Variants in EHMT1 observed in about 807,000 individuals in gnomAD.
EHMT1 encodes the protein euchromatic histone lysine methyltransferase 1.
In EHMT1, 15 loss-of-function variants were observed where a neutral mutation model predicts 147.2. The ratio of observed to expected loss-of-function variants is 0.10; its 90% CI spans 0.07 to 0.16. The LOEUF (loss-of-function observed/expected upper bound fraction) is 0.16, where lower values mean the gene tolerates loss of function less well. EHMT1 is among the 10% of genes least tolerant of loss of function. The pLI is 1.00. For synonymous variants in EHMT1, 795 were observed against 709.6 expected, an observed-to-expected ratio of 1.12 and a Z score of -1.91; for missense variants, 1,587 against 1,772.4, an observed-to-expected ratio of 0.90 and a Z score of 1.88.
At chr9:137,707,430 G>C (rs938834580) in intron 1 of EHMT1, among the ~76,000 whole-genome samples, 15 of 152,196 alleles carry the variant, frequency 9.9e-5, no homozygotes, top group African/African-American at 1.4e-4. Context: ...CTCCTCCCCG[G>C]TGCCCCCTTT....
At chr9:137,624,199 C>T (rs1205610329) in intron 1 of EHMT1, among the ~76,000 whole-genome samples, 5 of 151,820 alleles carry the variant, frequency 3.3e-5, no homozygotes, top group Admixed American at 6.6e-5. Flanking sequence ...GACGGGGTTT[C>T]ACCATATTGG....
intron 1 of EHMT1, among the ~76,000 whole-genome samples, chr9:137,669,342 C>G (rs74720783): frequency 0.48 from 1,462 of 3,038 alleles, 429 homozygotes; most frequent in East Asian, 0.83. Flanking sequence ...ACGTGGACCC[C>G]ACACCACCCA....
intron 22 of EHMT1, chr9:137,815,729 AG>A (rs1954866382): frequency 1.7e-6 from 1 of 595,960 alleles, no homozygotes; most frequent in South Asian, 1.8e-5. Context: ...GGAGCGCTCC[AG>A]GGGGTCTCCA....
chr9:137,823,100 G>GTTT (rs56014052), intron 25 of EHMT1, among the ~76,000 whole-genome samples: 10 of 111,142 alleles, frequency 9.0e-5, no homozygotes, highest in African/African-American at 1.1e-4. Context: ...CTGGCTAATT[G>GTTT]TTTTTTTTTT....
intron 1 of EHMT1, among the ~76,000 whole-genome samples, chr9:137,706,375 G>T (rs985145982): frequency 1.3e-5 from 2 of 152,230 alleles, no homozygotes; most frequent in African/African-American, 4.8e-5. Flanking sequence ...ACACAATTTT[G>T]TTTTAACTAA....
chr9:137,667,447 C>T (rs1355056681), intron 1 of EHMT1: 2 of 152,270 alleles, frequency 1.3e-5, no homozygotes, highest in Non-Finnish European at 2.9e-5. Context: ...ACTCCTCCTC[C>T]TCCTCCCCGC....
chr9:137,759,739 C>T (rs1019906759), intron 9 of EHMT1, among the ~76,000 whole-genome samples: 3 of 152,202 alleles, frequency 2.0e-5, no homozygotes, highest in African/African-American at 2.4e-5. Flanking sequence ...AAGAGACAGG[C>T]GGTGCGCCCA....
chr9:137,622,536 C>T (rs546474833), intron 1 of EHMT1, among the ~76,000 whole-genome samples: 2 of 152,218 alleles, frequency 1.3e-5, no homozygotes, highest in African/African-American at 4.8e-5. Flanking sequence ...CTTTAGGGGT[C>T]GACTATGGAC....
chr9:137,795,435 A>ACACACACACACT (rs1554887527), intron 16 of EHMT1, among the ~76,000 whole-genome samples: 25 of 132,660 alleles, frequency 1.9e-4, no homozygotes, highest in Non-Finnish European at 3.0e-4. Flanking sequence ...ACACTCTCAC[A>ACACACACACACT]CTCACATACA....
chr9:137,791,384 T>C (rs1952513974), intron 16 of EHMT1, among the ~76,000 whole-genome samples: 1 of 152,154 alleles, frequency 6.6e-6, no homozygotes. Flanking sequence ...TGCAAAAATA[T>C]TGTAAGCTAA....
intron 1 of EHMT1, among the ~76,000 whole-genome samples, chr9:137,633,613 T>A (rs1843766844): frequency 6.6e-6 from 1 of 152,120 alleles, no homozygotes; most frequent in Admixed American, 6.6e-5. Context: ...CTCAGTGGGG[T>A]TCTTTGGTAT....
chr9:137,777,029 C>G (rs1288382606), intron 12 of EHMT1, 185 bp downstream of exon 12: 2 of 645,462 alleles, frequency 3.1e-6, no homozygotes, highest in Non-Finnish European at 5.3e-6. Context: ...ATACGTTGCT[C>G]TCTTTCGGTT....
At chr9:137,739,251 G>A (rs1481638453) in intron 4 of EHMT1, among the ~76,000 whole-genome samples, 1 of 151,742 alleles carries the variant, frequency 6.6e-6, no homozygotes. Context: ...AGGTACTCAG[G>A]AGGCTGAGGC....
rs549358563 is a variant in EHMT1 at position 137,787,779 on chromosome 9, C to T, written c.2383-3069C>T. Reference sequence around the variant, plus strand: ...GGTGACACACCCTGGAAGAGGGCGTCTAGATCCCAGCCCTGGGGGCCCTCA... The same window carrying T: ...GGTGACACACCCTGGAAGAGGGCGTTTAGATCCCAGCCCTGGGGGCCCTCA... On this transcript the variant is annotated intron_variant, in intron 15 of 26. Transcript: ENST00000460843. The surrounding 1 kb of genome is among the most constrained non-coding windows in gnomAD (Gnocchi z 4.2). The T allele has an allele frequency of 2.4e-5, 20 of 837,118 alleles. No homozygotes were observed. The South Asian group carries it at 2.7e-4, about 11-fold the overall frequency. The allele number at this position is 837,118 out of a possible 1,614,324, so 51.9% of individuals were successfully genotyped here.
chr9:137,755,228 T>G (rs903136446), intron 8 of EHMT1, among the ~76,000 whole-genome samples: 1 of 152,210 alleles, frequency 6.6e-6, no homozygotes, highest in Non-Finnish European at 1.5e-5. Flanking sequence ...TGCCCTTTGA[T>G]AACCTGGCCC....
chr9:137,655,083 C>A (rs1331696247), intron 1 of EHMT1, among the ~76,000 whole-genome samples: 1 of 151,936 alleles, frequency 6.6e-6, no homozygotes, highest in Non-Finnish European at 1.5e-5. Context: ...ACTGCAACCT[C>A]CTCCTCTCAG....
chr9:137,749,876 C>T (rs367888927), intron 6 of EHMT1, among the ~76,000 whole-genome samples: 11 of 152,124 alleles, frequency 7.2e-5, no homozygotes, highest in Admixed American at 5.2e-4. Context: ...CTGTCAAAGC[C>T]GACTGAAGTG....
intron 1 of EHMT1, among the ~76,000 whole-genome samples, chr9:137,639,328 A>T (rs1350567137): frequency 6.6e-6 from 1 of 152,170 alleles, no homozygotes; most frequent in East Asian, 1.9e-4. Context: ...TGTTCCCTAT[A>T]TGTCAGATTG....
intron 12 of EHMT1, chr9:137,777,253 A>G (rs2136695685): frequency 4.3e-6 from 1 of 232,010 alleles, no homozygotes; most frequent in South Asian, 5.7e-5. Context: ...AAGTGTTCAT[A>G]TTAGACAGAT....
Sources: gnomAD v4.1 joint callset for allele counts (sites outside exome capture counted in the v4.1 genomes callset) on GRCh38, gnomAD v4.1.1 for gene constraint, Gnocchi (gnomAD v3.1) non-coding constraint, MANE v1.5 for transcripts, NCBI Gene and HGNC (gene_info 2026-07-23, HGNC 2026-07-21) for gene names.